Variants in CD247 observed in about 807,000 individuals in gnomAD.
CD247 encodes T-cell surface glycoprotein CD3 zeta chain.
In CD247, 13 loss-of-function variants were observed where a neutral mutation model predicts 30.0. The observed-to-expected ratio is 0.43, with a 90% CI of 0.28 to 0.69. The LOEUF (loss-of-function observed/expected upper bound fraction) is 0.69, where lower values mean the gene tolerates loss of function less well. Among genes scored for constraint, CD247 ranks in the 30% least tolerant of loss-of-function variants. The pLI is 0.16. For missense variants in CD247, 193 were observed against 212.6 expected (o/e 0.91, Z 0.57); for synonymous variants, 72 against 80.0 (o/e 0.90, Z 0.53).
intron 1 of CD247, among the ~76,000 whole-genome samples, chr1:167,466,805 G>T (rs1267701373): frequency 6.6e-6 from 1 of 151,990 alleles, no homozygotes; most frequent in African/African-American, 2.4e-5. Context: ...AAGGCTTCGG[G>T]AGGCCTAGCT....
At chr1:167,458,677 CTTTCTTTCTTTCTTTTTTTTTTTTTT>C (rs1267745750) in intron 1 of CD247, 3 of 104,736 alleles carry the variant, frequency 2.9e-5, no homozygotes, top group African/African-American at 1.2e-4. Flanking sequence ...TTTTTTCTTT[CTTTCTTTCTTTCTTTTTTTTTTTTTT>C]TTTTTTTTTT....
chr1:167,518,084 C>T (rs752212100), intron 1 of CD247, among the ~76,000 whole-genome samples: 6 of 152,196 alleles, frequency 3.9e-5, no homozygotes, highest in Admixed American at 6.5e-5. Flanking sequence ...CTGTGAAACA[C>T]TCCCTCTCCG....
At chr1:167,432,883 TG>T in intron 7 of CD247, 140 bp downstream of exon 7, 1 of 818,062 alleles carries the variant, frequency 1.2e-6, no homozygotes. Flanking sequence ...GCGTTGCCAC[TG>T]GCCTAAATGG....
intron 1 of CD247, among the ~76,000 whole-genome samples, chr1:167,454,535 G>T (rs1652536990): frequency 6.6e-6 from 1 of 152,264 alleles, no homozygotes; most frequent in African/African-American, 2.4e-5. Context: ...TACATTTCTG[G>T]TGATGACTTG....
intron 2 of CD247, 50 bp from the exon 3 acceptor site, chr1:167,439,450 G>T (rs748139644): frequency 6.3e-7 from 1 of 1,587,688 alleles, no homozygotes; most frequent in South Asian, 1.1e-5. Context: ...GGCGCGCAGG[G>T]GAGCCGGGGT....
chr1:167,435,284 T>C (rs1298772925), intron 5 of CD247, 115 bp downstream of exon 5: 3 of 568,170 alleles, frequency 5.3e-6, no homozygotes, highest in East Asian at 4.4e-5. Flanking sequence ...CAGCCCTTCC[T>C]CCAGCCCTTC....
intron 1 of CD247, among the ~76,000 whole-genome samples, chr1:167,506,300 T>C (rs927852929): frequency 5.4e-4 from 43 of 79,174 alleles, no homozygotes; most frequent in African/African-American, 2.2e-3. Context: ...TTTTCTTTTC[T>C]TTTCCTTTCC....
chr1:167,468,235 G>A (rs964527946), intron 1 of CD247, among the ~76,000 whole-genome samples: 1 of 151,974 alleles, frequency 6.6e-6, no homozygotes, highest in Non-Finnish European at 1.5e-5. Flanking sequence ...TGTAATAGCT[G>A]TCCTCCTCCC....
intron 1 of CD247, among the ~76,000 whole-genome samples, chr1:167,510,187 A>C (rs993937559): frequency 2.6e-5 from 4 of 152,110 alleles, no homozygotes; most frequent in Admixed American, 1.3e-4. Context: ...ATACATACAA[A>C]ATCACTCACT....
chr1:167,464,996 CCT>C (rs531565504), intron 1 of CD247, among the ~76,000 whole-genome samples: 2 of 152,022 alleles, frequency 1.3e-5, no homozygotes, highest in African/African-American at 2.4e-5. Context: ...TCTTTCTTCC[CCT>C]CTGTCTCCAT....
At chr1:167,440,460 C>T (rs1017763528) in intron 2 of CD247, 7 of 619,988 alleles carry the variant, frequency 1.1e-5, no homozygotes, top group Non-Finnish European at 2.0e-5. Context: ...CCAGGCTCTC[C>T]CTCCTACCCT....
chr1:167,433,103 G>T, intron 6 of CD247, 44 bp from the exon 7 acceptor site: 3 of 1,606,486 alleles, frequency 1.9e-6, no homozygotes, highest in Non-Finnish European at 2.6e-6. Context: ...AGAAAGTCAG[G>T]CAGTCAGTAG....
At chr1:167,435,646 A>G (rs1413796171) in intron 4 of CD247, among the ~76,000 whole-genome samples, 1 of 152,196 alleles carries the variant, frequency 6.6e-6, no homozygotes, top group Non-Finnish European at 1.5e-5. Context: ...AACTGGATAC[A>G]CACTTCGCTC....
intron 1 of CD247, among the ~76,000 whole-genome samples, chr1:167,507,651 CG>C (rs563244970): frequency 8.6e-5 from 13 of 152,006 alleles, no homozygotes; most frequent in Middle Eastern, 3.4e-3. Flanking sequence ...GCCAGGGCAA[CG>C]TAGTGAGAAC....
chr1:167,450,303 C>A (rs1013350026), intron 1 of CD247, among the ~76,000 whole-genome samples: 3 of 152,136 alleles, frequency 2.0e-5, no homozygotes, highest in African/African-American at 7.2e-5. Context: ...AGAGACCAGC[C>A]TGGGCAACAT....
intron 1 of CD247, among the ~76,000 whole-genome samples, chr1:167,447,708 G>A (rs1482050731): frequency 1.3e-5 from 2 of 152,112 alleles, no homozygotes; most frequent in Non-Finnish European, 2.9e-5. Context: ...AAATGGGAAG[G>A]GCTTGGTACC....
chr1:167,452,840 A>T (rs1333614402), intron 1 of CD247, among the ~76,000 whole-genome samples: 3 of 151,968 alleles, frequency 2.0e-5, no homozygotes, highest in Non-Finnish European at 4.4e-5. Context: ...CAAGTCTCTC[A>T]GGTTAGCAGA....
chr1:167,441,508 C>A (rs921563714), intron 1 of CD247, among the ~76,000 whole-genome samples: 3 of 152,214 alleles, frequency 2.0e-5, no homozygotes, highest in Non-Finnish European at 4.4e-5. Context: ...ACACCCCATT[C>A]CCAGGACACG....
At position 167,438,387 on chromosome 1, in the gene CD247, T is replaced by G. The variant is rs144814784; in HGVS notation, c.300+183A>C. ...GGGTGAGGCCCCTTGAGATGCAGAA[T>G]GGAGCCAAGGAGGAAGGAAGAGGGT... On this transcript the variant is annotated intron_variant, in intron 4 of 7. Transcript: ENST00000362089. Among the ~76,000 whole-genome samples the G allele has an allele frequency of 3.4e-4, 51 of 152,204 alleles. No individual in the cohort carries two copies. Among genetic ancestry groups the G allele is most frequent in the South Asian group, 1.7e-3 (8 of 4,826 alleles).
Sources: gnomAD v4.1 joint callset for allele counts (sites outside exome capture counted in the v4.1 genomes callset) on GRCh38, gnomAD v4.1.1 for gene constraint, MANE v1.5 for transcripts, NCBI Gene and HGNC (gene_info 2026-07-23, HGNC 2026-07-21) for gene names.